Variants in OSBPL2 observed in about 807,000 individuals in gnomAD.
OSBPL2 encodes oxysterol-binding protein-related protein 2.
Under a neutral mutation model 58.4 loss-of-function variants are expected in OSBPL2, and 18 were observed. The ratio of observed to expected loss-of-function variants is 0.31; its 90% CI spans 0.21 to 0.46. OSBPL2 has a LOEUF of 0.46. Among genes scored for constraint, OSBPL2 ranks in the 20% least tolerant of loss-of-function variants. The pLI is 1.00. For missense variants in OSBPL2, 461 were observed against 616.5 expected (o/e 0.75, Z 2.67); for synonymous variants, 221 against 234.1 (o/e 0.94, Z 0.51).
rs11306058 is a variant in OSBPL2, at chr20:62,284,374, ATT to A, written c.996+218_996+219del. 34,798 of 447,900 alleles carry A rather than the reference ATT, an allele frequency of 0.078. 230 individuals carry two copies. Among genetic ancestry groups the A allele is most frequent in the African/African-American group, 0.091 (4,336 of 47,618 alleles). 27.7% of individuals were successfully genotyped at this position (447,900 alleles called of 1,614,324 possible). On this transcript the variant is annotated intron_variant, in intron 10 of 13. Coordinates refer to ENST00000313733, the MANE Select transcript of OSBPL2 (RefSeq NM_144498.4). ...AGGGGGTTTATCTGTATTTCTTTCC[ATT>A]TTTTTTTTTTTTCCCCTCCAGGCAG... is the stretch of plus-strand genomic sequence containing the variant.
rs779190984 is a variant in OSBPL2, at chr20:62,241,226, A to G, written c.-129+2629A>G. On this transcript the variant is annotated intron_variant, in intron 1 of 13. Transcript: ENST00000313733. ...CGCTCTGTCGCCCAGGCTGGAGTGC[A>G]GTGGCGCGAACTCGGCTCACTGCAA... 2.0e-5 allele frequency among the ~76,000 whole-genome samples: 3 copies of G among 151,468 alleles called. No homozygotes were observed. The South Asian group carries it at 6.2e-4, about 31-fold the overall frequency.
chr20:62,281,194 C>A, intron 8 of OSBPL2, 29 bp downstream of exon 8: 1 of 1,522,434 alleles, frequency 6.6e-7, no homozygotes, highest in Non-Finnish European at 9.1e-7. Flanking sequence ...TGGGTGAGAG[C>A]GCGAGGCTCC....
At chr20:62,289,724 C>T (rs1983366580) in intron 12 of OSBPL2, among the ~76,000 whole-genome samples, 1 of 152,000 alleles carries the variant, frequency 6.6e-6, no homozygotes, top group South Asian at 2.1e-4. Context: ...GCCAACAAGG[C>T]AAAACTCCAT....
At chr20:62,270,294 G>A (rs1165836733) in intron 4 of OSBPL2, among the ~76,000 whole-genome samples, 1 of 151,928 alleles carries the variant, frequency 6.6e-6, no homozygotes, top group Non-Finnish European at 1.5e-5. Flanking sequence ...GTTGCCACTA[G>A]CACCTCCTCC....
chr20:62,242,929 G>A (rs1245414920), intron 1 of OSBPL2, among the ~76,000 whole-genome samples: 1 of 152,188 alleles, frequency 6.6e-6, no homozygotes, highest in Non-Finnish European at 1.5e-5. Flanking sequence ...AAAGACGGAG[G>A]CAGCTGTAGA....
chr20:62,263,867 C>A (rs1601169694), intron 4 of OSBPL2, among the ~76,000 whole-genome samples, 176 bp downstream of exon 4: 1 of 152,092 alleles, frequency 6.6e-6, no homozygotes, highest in South Asian at 2.1e-4. Context: ...AGATCGAGAC[C>A]ATCCTGGCTA....
At chr20:62,240,344 C>A (rs376623312) in intron 1 of OSBPL2, among the ~76,000 whole-genome samples, 23 of 152,258 alleles carry the variant, frequency 1.5e-4, no homozygotes, top group African/African-American at 5.3e-4. Context: ...ATAGAATTTA[C>A]CCTGTTTTCT....
At chr20:62,267,548 G>A (rs1384872342) in intron 4 of OSBPL2, among the ~76,000 whole-genome samples, 4 of 152,160 alleles carry the variant, frequency 2.6e-5, no homozygotes, top group African/African-American at 4.8e-5. Flanking sequence ...GGAGGCCACC[G>A]GGGTAGTCTT....
intron 11 of OSBPL2, 33 bp downstream of exon 11, chr20:62,286,744 C>T (rs756979082): frequency 3.8e-6 from 6 of 1,589,760 alleles, no homozygotes; most frequent in Non-Finnish European, 5.2e-6. Context: ...ACGTCTCTGC[C>T]TGCTCATGTC....
chr20:62,280,608 G>A (rs78271639), intron 7 of OSBPL2, among the ~76,000 whole-genome samples: 1 of 152,202 alleles, frequency 6.6e-6, no homozygotes, highest in African/African-American at 2.4e-5. Flanking sequence ...CTTGGGCAGG[G>A]CCATTTGGGA....
rs1012152384 is a variant in OSBPL2 at position 62,280,111 on chromosome 20, C to G, written c.674+772C>G. ...GGATGCTGGCGTCCTCCTGGGCCAC[C>G]AGTTCTGAGACGTGAGTCTTGCCAA... On this transcript the variant is annotated intron_variant, in intron 7 of 13. Transcript: ENST00000313733. The G allele has an allele frequency of 2.3e-6, 3 of 1,303,816 alleles. No homozygotes were observed. The African/African-American group carries it at 4.6e-5, about 20-fold the overall frequency. The allele number at this position is 1,303,816 out of a possible 1,614,324, so 80.8% of individuals were successfully genotyped here.
chr20:62,259,860 T>C, intron 2 of OSBPL2, 121 bp from the exon 3 acceptor site: 1 of 857,504 alleles, frequency 1.2e-6, no homozygotes, highest in Non-Finnish European at 1.9e-6. Flanking sequence ...TTCTTCCAAA[T>C]GTGTCCGTTC....
intron 1 of OSBPL2, among the ~76,000 whole-genome samples, chr20:62,252,829 G>A (rs1409437787): frequency 3.9e-5 from 6 of 152,264 alleles, no homozygotes; most frequent in Non-Finnish European, 5.9e-5. Context: ...GGCGCGAGGA[G>A]GAGTGAGAGA....
chr20:62,257,725 T>C (rs1180316477), intron 2 of OSBPL2, among the ~76,000 whole-genome samples: 1 of 151,914 alleles, frequency 6.6e-6, no homozygotes, highest in Non-Finnish European at 1.5e-5. Context: ...ATTTTTTTTT[T>C]TTTTTTTGAG....
At chr20:62,266,967 G>A (rs889679975) in intron 4 of OSBPL2, among the ~76,000 whole-genome samples, 2 of 152,174 alleles carry the variant, frequency 1.3e-5, no homozygotes, top group Admixed American at 1.3e-4. Context: ...AAAAGCTGTG[G>A]GCAGGCCAGG....
chr20:62,248,618 G>A (rs530073476), intron 1 of OSBPL2, among the ~76,000 whole-genome samples: 2 of 152,220 alleles, frequency 1.3e-5, no homozygotes, highest in South Asian at 4.1e-4. Flanking sequence ...CGCCCGTGGT[G>A]GTCAGCACCG....
chr20:62,281,937 AG>A, intron 9 of OSBPL2, 58 bp downstream of exon 9: 1 of 1,182,582 alleles, frequency 8.5e-7, no homozygotes, highest in Non-Finnish European at 1.3e-6. Flanking sequence ...CCACGTTAGA[AG>A]GGCTCAGGTG....
intron 2 of OSBPL2, among the ~76,000 whole-genome samples, chr20:62,257,846 C>T (rs1354202202): frequency 6.6e-6 from 1 of 152,012 alleles, no homozygotes; most frequent in Non-Finnish European, 1.5e-5. Context: ...TCCCAAGTAG[C>T]TGGGATTACA....
chr20:62,239,244 A>G (rs892683879), intron 1 of OSBPL2, among the ~76,000 whole-genome samples: 1 of 152,234 alleles, frequency 6.6e-6, no homozygotes, highest in Non-Finnish European at 1.5e-5. Context: ...CAGACTACAC[A>G]CGGTTGAGAA....
Sources: gnomAD v4.1 joint callset for allele counts (sites outside exome capture counted in the v4.1 genomes callset) on GRCh38, gnomAD v4.1.1 for gene constraint, MANE v1.5 for transcripts, NCBI Gene and HGNC (gene_info 2026-07-23, HGNC 2026-07-21) for gene names.